SMCHD1: variants seen among roughly 807,000 people sequenced by gnomAD.
SMCHD1 encodes the protein structural maintenance of chromosomes flexible hinge domain-containing protein 1.
In SMCHD1, 78 loss-of-function variants were observed where a neutral mutation model predicts 254.7. The ratio of observed to expected loss-of-function variants is 0.31; its 90% CI spans 0.26 to 0.37. The LOEUF is 0.37. Ranked by LOEUF, SMCHD1 falls within the 10% of genes least tolerant of loss-of-function variation. SMCHD1 has a pLI of 1.00. For missense variants in SMCHD1, 1,840 were observed against 2,408.1 expected, an observed-to-expected ratio of 0.76 and a Z score of 4.94; for synonymous variants, 766 against 794.9, an observed-to-expected ratio of 0.96 and a Z score of 0.61.
intron 34 of SMCHD1, among the ~76,000 whole-genome samples, chr18:2,757,967 A>G (rs1202062977): frequency 1.3e-5 from 2 of 152,116 alleles, no homozygotes; most frequent in East Asian, 3.8e-4. Flanking sequence ...CTTAAAGTTT[A>G]CTTTGGTAAT....
At chr18:2,727,838 A>G (rs1300358328) in intron 22 of SMCHD1, among the ~76,000 whole-genome samples, 1 of 152,106 alleles carries the variant, frequency 6.6e-6, no homozygotes, top group African/African-American at 2.4e-5. Context: ...AAATATTTTA[A>G]GTAATTCTCT....
At position 2,697,140 on chromosome 18, in the gene SMCHD1, C is replaced by T. The variant is rs2074301950; in HGVS notation, c.1131+18C>T. 1.7e-6 allele frequency: 2 copies of T among 1,205,276 alleles called. No homozygotes were observed. The highest frequency in any genetic ancestry group is 2.3e-6 in the Non-Finnish European group (2 of 868,008). 74.7% of individuals were successfully genotyped at this position (1,205,276 alleles called of 1,614,324 possible). On this transcript the variant is annotated intron_variant, in intron 9 of 47. Coordinates refer to ENST00000320876, the MANE Select transcript of SMCHD1 (RefSeq NM_015295.3). ...ATATTGAAGTAAGAGAAAAATCCAT[C>T]TTAAAATAATAAAAATTATGAGATA...
At chr18:2,676,716 C>T (rs1266871868) in intron 5 of SMCHD1, among the ~76,000 whole-genome samples, 1 of 152,110 alleles carries the variant, frequency 6.6e-6, no homozygotes, top group African/African-American at 2.4e-5. Context: ...CCCATATATC[C>T]TTCACCTAGA....
At chr18:2,713,946 G>A (rs1016479878) in intron 17 of SMCHD1, among the ~76,000 whole-genome samples, 4 of 152,140 alleles carry the variant, frequency 2.6e-5, no homozygotes, top group Non-Finnish European at 4.4e-5. Context: ...TGTATATTCC[G>A]CAGAATAATG....
Position 2,796,461 on chromosome 18 carries a change from A to G in SMCHD1, c.5933A>G (p.Glu1978Gly). ...TCATTGCGTCATTCACCAAAGGTTG[A>G]GACGACAGATTGTCCAGTTCCTCCT... is the stretch of plus-strand genomic sequence containing the variant. ...NDSLRHSPKV[E>G]TTDCPVPPKR... The change falls in exon 47 of 48, where the codon GAG (glutamate) becomes GGG (glycine). Residue 1978 changes from glutamate (E) to glycine (G), a missense_variant. By Grantham distance (98) the Glu-to-Gly change is moderately conservative. This residue lies in a region of SMCHD1 where 132 missense variants were observed against 138.2 expected (regional missense o/e 0.95). Transcript: ENST00000320876. The G allele has an allele frequency of 1.9e-6, 3 of 1,606,498 alleles. No individual in the cohort carries two copies. Among genetic ancestry groups the G allele is most frequent in the Non-Finnish European group, 2.6e-6 (3 of 1,176,456 alleles).
At chr18:2,705,860 A>T in intron 14 of SMCHD1, 53 bp downstream of exon 14, 2 of 1,104,686 alleles carry the variant, frequency 1.8e-6, no homozygotes, top group Non-Finnish European at 2.7e-6. Flanking sequence ...ACACTTTTGC[A>T]TAATTGTTAA....
chr18:2,750,743 T>C (rs1039663456), intron 32 of SMCHD1, among the ~76,000 whole-genome samples: 6 of 152,102 alleles, frequency 3.9e-5, no homozygotes, highest in African/African-American at 1.4e-4. Context: ...ATACATAGTT[T>C]TAAGTAGTGA....
In SMCHD1 at chr18:2,775,812, G is replaced by A. The variant is rs1185028309; in HGVS notation, c.5254G>A (p.Val1752Ile). ...GCATCTGGCAAGTGACATGGACTGTGTAGTCACCCTAACCACTGACGCTGC... is the reference window on the plus strand; with the variant it reads ...GCATCTGGCAAGTGACATGGACTGTATAGTCACCCTAACCACTGACGCTGC... ...SWHLASDMDCVVTLTTDAARR... is the reference protein window; with the variant it reads ...SWHLASDMDCIVTLTTDAARR... Residue 1752 changes from valine (V) to isoleucine (I), a missense_variant, in exon 42 of 48, where the codon GTA (valine) becomes ATA (isoleucine). Val to Ile is a conservative substitution (Grantham distance 29, BLOSUM62 3). Transcript: ENST00000320876. The A allele has an allele frequency of 6.2e-7, 1 of 1,613,304 alleles. No individual in the cohort carries two copies. Among genetic ancestry groups the A allele is most frequent in the Non-Finnish European group, 8.5e-7 (1 of 1,179,672 alleles).
At chr18:2,772,555 T>A (rs2076002450) in intron 41 of SMCHD1, among the ~76,000 whole-genome samples, 183 bp downstream of exon 41, 1 of 152,248 alleles carries the variant, frequency 6.6e-6, no homozygotes, top group Non-Finnish European at 1.5e-5. Context: ...TCTGTAATGT[T>A]ACTATTGAGG....
rs2074499732 is a variant in SMCHD1, at chr18:2,705,752, A to G, written c.1901A>G (p.Tyr634Cys). 6.2e-7 allele frequency: 1 copy of G among 1,608,884 alleles called. No individual in the cohort carries two copies. Among genetic ancestry groups the G allele is most frequent in the Non-Finnish European group, 8.5e-7 (1 of 1,176,788 alleles). Residue 634 changes from tyrosine (Y) to cysteine (C), a missense_variant, in exon 14 of 48, where the codon TAT (tyrosine) becomes TGT (cysteine). Physicochemically the swap from Tyr to Cys is radical, Grantham distance 194. This residue lies in a region of SMCHD1 where 498 missense variants were observed against 743.5 expected (regional missense o/e 0.67). Coordinates refer to ENST00000320876, the MANE Select transcript of SMCHD1 (RefSeq NM_015295.3). ...GGAAGCATAGTAAGATTTTTTCTTT[A>G]TGGCGATCATGATGGAGAAGTATAT... is the stretch of plus-strand genomic sequence containing the variant. ...FYGSIVRFFL[Y>C]GDHDGEVYAT...
In SMCHD1 at chr18:2,718,487, C is replaced by T; in HGVS notation, c.2458+53C>T. ...ATATGCTAAAGGTGGCATTTTAAAT[C>T]CAAAGAGAAAAGAGAGATAAGCCAT... is the stretch of plus-strand genomic sequence containing the variant. On this transcript the variant is annotated intron_variant, in intron 19 of 47. Coordinates refer to ENST00000320876, the MANE Select transcript of SMCHD1 (RefSeq NM_015295.3). The surrounding 1 kb of genome is among the most constrained non-coding windows in gnomAD (Gnocchi z 4.6). The T allele has an allele frequency of 6.9e-7, 1 of 1,447,604 alleles. No individual in the cohort carries two copies. The highest frequency in any genetic ancestry group is 9.4e-7 in the Non-Finnish European group (1 of 1,065,558). The allele number at this position is 1,447,604 out of a possible 1,614,324, so 89.7% of individuals were successfully genotyped here.
intron 5 of SMCHD1, among the ~76,000 whole-genome samples, chr18:2,675,918 G>A (rs926788889): frequency 6.6e-6 from 1 of 152,114 alleles, no homozygotes. Flanking sequence ...TTTGCTGCTG[G>A]TTTTAGTCTT....
intron 22 of SMCHD1, 115 bp from the exon 23 acceptor site, chr18:2,728,342 C>G (rs1598375103): frequency 1.9e-6 from 2 of 1,071,150 alleles, no homozygotes; most frequent in East Asian, 5.3e-5. Context: ...ATTTTTCTTT[C>G]TTGGCAATAT....
chr18:2,730,554 C>CA (rs1207223844), intron 24 of SMCHD1, among the ~76,000 whole-genome samples: 2 of 152,132 alleles, frequency 1.3e-5, no homozygotes, highest in African/African-American at 2.4e-5. Flanking sequence ...AACATGGAGG[C>CA]AAGAGCTGTA....
At chr18:2,690,273 A>G (rs1388937453) in intron 7 of SMCHD1, among the ~76,000 whole-genome samples, 1 of 152,170 alleles carries the variant, frequency 6.6e-6, no homozygotes, top group Non-Finnish European at 1.5e-5. Flanking sequence ...TTTGATACAC[A>G]ATGGTTTTTA....
chr18:2,795,959 G>T lies in SMCHD1; in HGVS notation c.5730G>T (p.Gln1910His), dbSNP rs1394757566. ...TTGGTTTCTTTACAGATCTTCTTCA[G>T]CAGTATCGTTCTGCTGTGTGCAAAC... ...LILGEQIDLL[Q>H]QYRSAVCKLD... Residue 1910 changes from glutamine (Q) to histidine (H), a missense_variant, in exon 46 of 48, where the codon CAG becomes CAT. By Grantham distance (24) the Gln-to-His change is conservative. Coordinates refer to ENST00000320876, the MANE Select transcript of SMCHD1 (RefSeq NM_015295.3). 2 of 1,586,578 alleles carry T rather than the reference G, an allele frequency of 1.3e-6. No homozygotes were observed. The highest frequency in any genetic ancestry group is 1.7e-6 in the Non-Finnish European group (2 of 1,166,364).
chr18:2,787,053 A>C lies in SMCHD1; in HGVS notation c.5719+2432A>C, dbSNP rs148532727. On this transcript the variant is annotated intron_variant, in intron 45 of 47. Transcript: ENST00000320876. ...TGATTTATAAAGAAAAAGATACTTA[A>C]TTTGGCATACACTTCTTCTGGCTGA... Among the ~76,000 whole-genome samples the C allele has an allele frequency of 6.7e-4, 102 of 152,310 alleles. 1 individual carries two copies. In the East Asian group the frequency reaches 0.017, roughly 25 times the overall value.
intron 35 of SMCHD1, 25 bp from the exon 36 acceptor site, chr18:2,762,080 C>G: frequency 3.1e-6 from 5 of 1,604,694 alleles, no homozygotes; most frequent in Non-Finnish European, 4.3e-6. Context: ...TATTGTTAAT[C>G]AGAATGTCTC....
At chr18:2,690,604 T>A (rs1245678550) in intron 7 of SMCHD1, among the ~76,000 whole-genome samples, 1 of 151,864 alleles carries the variant, frequency 6.6e-6, no homozygotes, top group Admixed American at 6.6e-5. Flanking sequence ...CCTGAGTAGC[T>A]GGGATTACAG....
Sources: allele counts gnomAD v4.1 joint callset (sites outside exome capture counted in the v4.1 genomes callset), GRCh38; gene constraint gnomAD v4.1.1; regional missense constraint gnomAD v4.1.1; non-coding constraint Gnocchi (gnomAD v3.1); transcripts MANE v1.5; gene names NCBI Gene and HGNC (gene_info 2026-07-23, HGNC 2026-07-21).